MVP: variants seen among roughly 807,000 people sequenced by gnomAD.
MVP encodes lung resistance-related protein.
MVP carries 62 observed loss-of-function variants against 83.5 expected under a neutral mutation model. The ratio of observed to expected loss-of-function variants is 0.74; its 90% confidence interval spans 0.61 to 0.92. The LOEUF (loss-of-function observed/expected upper bound fraction) is 0.92. Ranked by LOEUF, MVP falls within the 40% of genes least tolerant of loss-of-function variation. The pLI, the probability that MVP is intolerant of heterozygous loss-of-function variation, is 0.00. For missense variants in MVP, 1,000 were observed against 1,203.4 expected (o/e 0.83, Z 2.50); for synonymous variants, 505 against 504.1 (o/e 1.00, Z -0.02).
chr16:29,836,182 C>T (rs1284143822), intron 6 of MVP, among the ~76,000 whole-genome samples: 1 of 151,180 alleles, frequency 6.6e-6, no homozygotes, highest in African/African-American at 2.4e-5. Flanking sequence ...GCAGGAGAAT[C>T]GCTTGAACCC....
chr16:29,840,786 C>G (rs1445557037), intron 8 of MVP, among the ~76,000 whole-genome samples: 4 of 152,034 alleles, frequency 2.6e-5, no homozygotes, highest in African/African-American at 4.8e-5. Context: ...ACTAAAAGTA[C>G]AAACATTAGT....
intron 1 of MVP, among the ~76,000 whole-genome samples, chr16:29,821,876 T>G (rs2067364278): frequency 6.6e-6 from 1 of 152,204 alleles, no homozygotes; most frequent in African/African-American, 2.4e-5. Flanking sequence ...CCCGGAAACT[T>G]AGACCCAGTG....
chr16:29,826,693 C>T (rs930599811), intron 1 of MVP, among the ~76,000 whole-genome samples: 10 of 149,330 alleles, frequency 6.7e-5, no homozygotes, highest in East Asian at 2.0e-4. Context: ...GAGGCCGAGG[C>T]GGGTGGATCA....
At chr16:29,827,344 T>C (rs2067411220) in intron 1 of MVP, among the ~76,000 whole-genome samples, 1 of 152,138 alleles carries the variant, frequency 6.6e-6, no homozygotes, top group Non-Finnish European at 1.5e-5. Context: ...GTAACCTCTT[T>C]CAGAATGAGG....
At position 29,844,738 on chromosome 16, in the gene MVP, TC is replaced by T. The variant is rs1567396116; in HGVS notation, c.1881del (p.Phe628SerfsTer85). ...MALPRPRDQAVFPQNGLVVSS... is the reference protein window; with the variant it reads ...MALPRPRDQAXFPQNGLVVSS... ...CTGCCCAGGCCCCGGGACCAGGCTG[TC>T]TTCCCCCAAAACGGGCTGGTGGTCA... On this transcript the variant is annotated frameshift_variant, in exon 11 of 15. Transcript: ENST00000357402. LOFTEE classifies it high-confidence loss of function. 10 of 1,613,074 alleles carry T rather than the reference TC, an allele frequency of 6.2e-6. No individual in the cohort carries two copies. The highest frequency in any genetic ancestry group is 8.5e-6 in the Non-Finnish European group (10 of 1,179,984).
intron 12 of MVP, 41 bp downstream of exon 12, chr16:29,846,020 G>T: frequency 6.2e-7 from 1 of 1,612,976 alleles, no homozygotes; most frequent in Non-Finnish European, 8.5e-7. Context: ...AGGGGCCGAG[G>T]GTCTTAGGAC....
intron 14 of MVP, 78 bp downstream of exon 14, chr16:29,847,463 C>T (rs2067595162): frequency 4.3e-6 from 6 of 1,387,606 alleles, no homozygotes; most frequent in Middle Eastern, 2.6e-4. Context: ...GAAAACACAA[C>T]ATCTGGAAAG....
At chr16:29,823,519 GGAGT>G (rs1378116268) in intron 1 of MVP, among the ~76,000 whole-genome samples, 1 of 151,968 alleles carries the variant, frequency 6.6e-6, no homozygotes, top group Non-Finnish European at 1.5e-5. Context: ...AAAACCTGCT[GGAGT>G]GACATTTTCC....
chr16:29,847,851 G>C lies in MVP; in HGVS notation c.2544G>C (p.Leu848=). The change falls in exon 15 of 15, where the codon CTG becomes CTC. Residue 848 remains leucine (L), a synonymous_variant. Transcript: ENST00000357402. ...ACCTCTTCAACACAGCCTTTGGGCT[G>C]CTGGGGATGGGGCCCGAGGGTCAGC... ...PINLFNTAFG[L]LGMGPEGQPL... is the part of the protein sequence containing the mutation. 2 of 1,614,212 alleles carry C rather than the reference G, an allele frequency of 1.2e-6. No homozygotes were observed. Among genetic ancestry groups the C allele is most frequent in the South Asian group, 1.1e-5 (1 of 91,090 alleles).
In MVP at chr16:29,840,178, G is replaced by A. The variant is rs146126800; in HGVS notation, c.910G>A (p.Gly304Arg). Reference sequence around the variant, plus strand: ...CCCTAACCTCACGTCTCCCCACTAGGGAGAGAAGTCTTTTTTCCTCCAGCC... The same window carrying A: ...CCCTAACCTCACGTCTCCCCACTAGAGAGAGAAGTCTTTTTTCCTCCAGCC... ...NQLGQKRVVK[G>R]EKSFFLQPGE... Residue 304 changes from glycine to arginine, a missense_variant and splice_region_variant, in exon 8 of 15, where the codon GGA (glycine) becomes AGA (arginine). By Grantham distance (125) the Gly-to-Arg change is moderately radical. Transcript: ENST00000357402. 4.9e-5 allele frequency: 79 copies of A among 1,606,964 alleles called. 1 individual carries two copies. The Admixed American group carries it at 1.2e-3, about 24-fold the overall frequency.
intron 3 of MVP, among the ~76,000 whole-genome samples, chr16:29,832,997 G>A (rs1481634772): frequency 3.3e-5 from 5 of 151,854 alleles, no homozygotes; most frequent in African/African-American, 1.2e-4. Flanking sequence ...CCTGGGAGGC[G>A]GAGATTGCAG....
intron 7 of MVP, among the ~76,000 whole-genome samples, chr16:29,838,456 T>G (rs1469499785): frequency 1.3e-5 from 2 of 149,968 alleles, no homozygotes; most frequent in Non-Finnish European, 3.0e-5. Flanking sequence ...AAATTAGAAA[T>G]AACCCAAATG....
At chr16:29,842,306 G>T (rs1467175157) in intron 10 of MVP, among the ~76,000 whole-genome samples, 194 bp downstream of exon 10, 2 of 151,854 alleles carry the variant, frequency 1.3e-5, no homozygotes, top group Admixed American at 1.3e-4. Context: ...TGGTTTTTTG[G>T]TTTTTTGGTT....
intron 5 of MVP, 78 bp from the exon 6 acceptor site, chr16:29,835,626 G>C: frequency 8.4e-7 from 1 of 1,187,074 alleles, no homozygotes; most frequent in Non-Finnish European, 1.2e-6. Flanking sequence ...TCAATCCCCT[G>C]TGTCTAAGCT....
intron 3 of MVP, chr16:29,831,642 A>G (rs1272205329): frequency 2.2e-6 from 1 of 456,108 alleles, no homozygotes; most frequent in South Asian, 1.5e-5. Flanking sequence ...TCACCTTCCC[A>G]GGCTCCAGAG....
At position 29,841,761 on chromosome 16, in the gene MVP, A is replaced by G; in HGVS notation, c.1357A>G (p.Asn453Asp). The change falls in exon 9 of 15, where the codon AAC becomes GAC. Residue 453 changes from asparagine (N) to aspartate (D), a missense_variant. By Grantham distance (23) the Asn-to-Asp change is conservative. Coordinates refer to ENST00000357402, the MANE Select transcript of MVP (RefSeq NM_005115.5). The surrounding 1 kb of genome is among the most constrained non-coding windows in gnomAD (Gnocchi z 4.7). ...AKSLQPLAPRNKTRVVSYRVP... is the reference protein window; with the variant it reads ...AKSLQPLAPRDKTRVVSYRVP... The stretch of plus-strand genomic sequence containing the variant: ...GAGCCTCCAGCCCTTGGCGCCCCGG[A>G]ACAAGACCCGTGTGGTCAGCTACCG... 1 of 1,613,608 alleles carries G rather than the reference A, an allele frequency of 6.2e-7. No homozygotes were observed. The highest frequency in any genetic ancestry group is 8.5e-7 in the Non-Finnish European group (1 of 1,179,942).
At chr16:29,840,668 G>A (rs955790036) in intron 8 of MVP, among the ~76,000 whole-genome samples, 5 of 152,176 alleles carry the variant, frequency 3.3e-5, no homozygotes, top group Admixed American at 1.3e-4. Context: ...CCAACCAGGT[G>A]CGGTAGCTCA....
chr16:29,842,134 G>T, intron 10 of MVP, 22 bp downstream of exon 10: 1 of 1,575,172 alleles, frequency 6.3e-7, no homozygotes, highest in East Asian at 2.3e-5. Flanking sequence ...GACAGGGCAT[G>T]GGGGTGCATT....
chr16:29,821,506 G>C (rs1487185585), intron 1 of MVP: 1 of 152,452 alleles, frequency 6.6e-6, no homozygotes. Context: ...GCAGAGGCTG[G>C]GCGCTGGCCC....
Sources: gnomAD v4.1 joint callset for allele counts (sites outside exome capture counted in the v4.1 genomes callset) on GRCh38, gnomAD v4.1.1 for gene constraint, Gnocchi (gnomAD v3.1) non-coding constraint, MANE v1.5 for transcripts, NCBI Gene and HGNC (gene_info 2026-07-23, HGNC 2026-07-21) for gene names.